Variants in RGS22 observed in about 807,000 individuals in gnomAD.
RGS22 encodes the protein regulator of G protein signaling 22.
In RGS22, 148 loss-of-function variants were observed where a neutral mutation model predicts 172.9. The ratio of observed to expected loss-of-function variants is 0.86; its 90% CI spans 0.75 to 0.98. The LOEUF (loss-of-function observed/expected upper bound fraction) is 0.98. Among genes scored for constraint, RGS22 ranks in the 50% least tolerant of loss-of-function variants. The pLI is 0.00. For synonymous variants in RGS22, 458 were observed against 480.2 expected, an observed-to-expected ratio of 0.95 and a Z score of 0.60; for missense variants, 1,347 against 1,440.8, an observed-to-expected ratio of 0.93 and a Z score of 1.05.
chr8:100,041,388 G>A (rs1281255279), intron 12 of RGS22, among the ~76,000 whole-genome samples: 1 of 152,088 alleles, frequency 6.6e-6, no homozygotes, highest in Non-Finnish European at 1.5e-5. Flanking sequence ...CTACTTGGGA[G>A]GCTGAGGCAG....
At chr8:99,965,524 A>T in intron 23 of RGS22, 94 bp from the exon 24 acceptor site, 1 of 892,366 alleles carries the variant, frequency 1.1e-6, no homozygotes. Flanking sequence ...ATATGACATA[A>T]TATTTCATAG....
At chr8:100,083,305 G>A (rs1207602792) in intron 3 of RGS22, among the ~76,000 whole-genome samples, 1 of 152,136 alleles carries the variant, frequency 6.6e-6, no homozygotes, top group Non-Finnish European at 1.5e-5. Flanking sequence ...CTAACTCTCT[G>A]GATGGGATAC....
intron 2 of RGS22, among the ~76,000 whole-genome samples, chr8:100,099,290 T>C (rs1813279146): frequency 6.6e-6 from 1 of 152,156 alleles, no homozygotes; most frequent in Non-Finnish European, 1.5e-5. Flanking sequence ...GACAATCCAT[T>C]AGGCACAAAC....
chr8:99,981,858 G>A (rs1812587109), intron 22 of RGS22, 79 bp downstream of exon 22: 3 of 1,356,688 alleles, frequency 2.2e-6, no homozygotes, highest in Admixed American at 2.3e-5. Context: ...CACCACGCCT[G>A]GCCCAAAAGG....
chr8:100,061,472 C>T (rs984048869), intron 9 of RGS22, among the ~76,000 whole-genome samples: 1 of 151,436 alleles, frequency 6.6e-6, no homozygotes, highest in African/African-American at 2.4e-5. Flanking sequence ...AGAAAAAAAG[C>T]CATTAAAAAG....
rs1336140068 is a variant in RGS22 at position 100,105,950 on chromosome 8, C to A, written c.-29G>T. On this transcript the variant is annotated 5_prime_UTR_variant, in exon 1 of 28. Coordinates refer to ENST00000360863, the MANE Select transcript of RGS22 (RefSeq NM_015668.5). ...GTCCCCGCTGCCCGCGCCTGGAGCC[C>A]GCGCGGGCCGTCAGGGCCCTAGCGC... is the stretch of plus-strand genomic sequence containing the variant. 6.9e-7 allele frequency: 1 copy of A among 1,450,260 alleles called. No individual in the cohort carries two copies. 89.8% of individuals were successfully genotyped at this position (1,450,260 alleles called of 1,614,324 possible).
At position 100,062,778 on chromosome 8, in the gene RGS22, T is replaced by C. The variant is rs956771702; in HGVS notation, c.1353-26A>G. The C allele has an allele frequency of 3.2e-6, 5 of 1,551,934 alleles. No individual in the cohort carries two copies. In the African/African-American group the frequency reaches 5.5e-5, roughly 17 times the overall value. On this transcript the variant is annotated intron_variant, in intron 8 of 27. Coordinates refer to ENST00000360863, the MANE Select transcript of RGS22 (RefSeq NM_015668.5). ...CTGAAATAAAACACATTTCCATATA[T>C]ACACACACACATTGGTAGAATATTC...
intron 14 of RGS22, among the ~76,000 whole-genome samples, chr8:100,029,853 A>C (rs1472391223): frequency 6.6e-6 from 1 of 152,174 alleles, no homozygotes. Context: ...AAGACCAAAA[A>C]TCCCCAGGAA....
At chr8:100,079,241 A>G (rs1335137004) in intron 4 of RGS22, among the ~76,000 whole-genome samples, 1 of 152,202 alleles carries the variant, frequency 6.6e-6, no homozygotes, top group Non-Finnish European at 1.5e-5. Context: ...TGTGTAGCGC[A>G]GAATATATAT....
intron 14 of RGS22, among the ~76,000 whole-genome samples, chr8:100,024,347 A>T (rs1459029873): frequency 6.6e-6 from 1 of 152,164 alleles, no homozygotes; most frequent in Non-Finnish European, 1.5e-5. Context: ...GTTTTCACAT[A>T]AAATTTTTCT....
intron 18 of RGS22, among the ~76,000 whole-genome samples, chr8:100,001,807 A>G (rs889931849): frequency 1.3e-5 from 2 of 152,202 alleles, no homozygotes; most frequent in Non-Finnish European, 2.9e-5. Context: ...GTAGAGATTT[A>G]GCTTAATGGT....
chr8:99,989,913 G>C (rs1371893958), intron 20 of RGS22, among the ~76,000 whole-genome samples: 1 of 151,492 alleles, frequency 6.6e-6, no homozygotes, highest in Non-Finnish European at 1.5e-5. Context: ...GATATAGATA[G>C]ATAGATAGAC....
At chr8:100,059,404 C>T (rs188869674) in intron 9 of RGS22, among the ~76,000 whole-genome samples, 1 of 149,928 alleles carries the variant, frequency 6.7e-6, no homozygotes, top group East Asian at 2.0e-4. Context: ...ACTTCACCTA[C>T]AAAGACACAT....
At chr8:100,089,384 T>C (rs956577730) in intron 3 of RGS22, among the ~76,000 whole-genome samples, 1 of 152,162 alleles carries the variant, frequency 6.6e-6, no homozygotes. Flanking sequence ...TCATAAATGC[T>C]GGCCGTGGTT....
chr8:100,028,295 A>G (rs1427040243), intron 14 of RGS22, among the ~76,000 whole-genome samples: 3 of 152,016 alleles, frequency 2.0e-5, no homozygotes, highest in Non-Finnish European at 1.5e-5. Flanking sequence ...TTTATCCAGC[A>G]TTTCTAGGTA....
intron 6 of RGS22, among the ~76,000 whole-genome samples, chr8:100,068,734 C>A (rs1025513978): frequency 2.6e-5 from 4 of 152,054 alleles, no homozygotes; most frequent in Admixed American, 1.3e-4. Context: ...CAGTTCAAGA[C>A]CAGCTTGGGC....
At chr8:100,017,738 C>G (rs542646352) in intron 14 of RGS22, among the ~76,000 whole-genome samples, 1 of 152,040 alleles carries the variant, frequency 6.6e-6, no homozygotes, top group South Asian at 2.1e-4. Flanking sequence ...TAAGATGAAA[C>G]GTAAAGATTA....
At chr8:99,994,436 T>TG (rs1814128544) in intron 20 of RGS22, among the ~76,000 whole-genome samples, 2 of 152,016 alleles carry the variant, frequency 1.3e-5, no homozygotes, top group East Asian at 1.9e-4. Context: ...ACAAAATCAA[T>TG]TGCAAAAATC....
intron 15 of RGS22, 125 bp from the exon 16 acceptor site, chr8:100,006,234 C>T (rs1815696380): frequency 2.7e-6 from 2 of 735,274 alleles, no homozygotes; most frequent in African/African-American, 1.8e-5. Context: ...AGGAAGATAA[C>T]ATAGTTTAAA....
Sources: gnomAD v4.1 joint callset for allele counts (sites outside exome capture counted in the v4.1 genomes callset) on GRCh38, gnomAD v4.1.1 for gene constraint, MANE v1.5 for transcripts, NCBI Gene and HGNC (gene_info 2026-07-23, HGNC 2026-07-21) for gene names.